PHF19: variants seen among roughly 807,000 people sequenced by gnomAD.
PHF19 encodes the protein polycomb like 3.
Under a neutral mutation model 79.8 loss-of-function variants are expected in PHF19, and 21 were observed. The ratio of observed to expected loss-of-function variants is 0.26; its 90% CI spans 0.19 to 0.38. PHF19 has a LOEUF of 0.38. Among genes scored for constraint, PHF19 ranks in the 10% least tolerant of loss-of-function variants. PHF19 has a pLI of 1.00. For synonymous variants in PHF19, 273 were observed against 296.3 expected, an observed-to-expected ratio of 0.92 and a Z score of 0.81; for missense variants, 445 against 744.2, an observed-to-expected ratio of 0.60 and a Z score of 4.68.
Position 120,862,126 on chromosome 9 carries a change from GCTGCAC to G in PHF19, c.1131-127_1131-122del. ...GTTGGGGAGACAGGCTCTGAACACA[GCTGCAC>G]CTTCACAGGGAGGCCTGGGGAGGAG... is the stretch of plus-strand genomic sequence containing the variant. On this transcript the variant is annotated intron_variant, in intron 11 of 14. Coordinates refer to ENST00000373896, the MANE Select transcript of PHF19 (RefSeq NM_015651.3). This position sits in a 1 kb window ranked among gnomAD's most constrained non-coding sequence, Gnocchi z 4.6. 1.3e-6 allele frequency: 1 copy of G among 758,004 alleles called. No homozygotes were observed. The highest frequency in any genetic ancestry group is 2.5e-5 in the East Asian group (1 of 40,476). The allele number at this position is 758,004 out of a possible 1,614,324, so 47.0% of individuals were successfully genotyped here.
intron 3 of PHF19, among the ~76,000 whole-genome samples, chr9:120,871,694 T>G (rs777579321): frequency 2.6e-4 from 39 of 152,220 alleles, no homozygotes; most frequent in African/African-American, 9.4e-4. Context: ...CACATTTTGA[T>G]ACGTGTTTGT....
chr9:120,889,049 G>T (rs2046305084), intron 1 of PHF19, among the ~76,000 whole-genome samples: 1 of 152,128 alleles, frequency 6.6e-6, no homozygotes, highest in Admixed American at 6.5e-5. Context: ...CTCCAAAAAG[G>T]AACCAGAATT....
chr9:120,895,356 G>GT (rs1212564599), upstream of PHF19, among the ~76,000 whole-genome samples: 1 of 151,866 alleles, frequency 6.6e-6, no homozygotes, highest in Non-Finnish European at 1.5e-5. Flanking sequence ...GGATGGAGAG[G>GT]TGGGAGGATG....
At chr9:120,881,729 C>T (rs1315206306), upstream of PHF19, among the ~76,000 whole-genome samples, 1 of 152,036 alleles carries the variant, frequency 6.6e-6, no homozygotes, top group Non-Finnish European at 1.5e-5. Context: ...TGCACAGTGT[C>T]CCCTCATGCA....
At chr9:120,887,112 C>T (rs896050881) in intron 1 of PHF19, among the ~76,000 whole-genome samples, 2 of 150,300 alleles carry the variant, frequency 1.3e-5, no homozygotes, top group Admixed American at 6.6e-5. Flanking sequence ...AAATTACCCT[C>T]GATAGAGTGA....
the PHF19 span, among the ~76,000 whole-genome samples, chr9:120,901,630 T>G: frequency 6.6e-6 from 1 of 152,190 alleles, no homozygotes; most frequent in East Asian, 1.9e-4. Context: ...AGGGGTTGCA[T>G]GTAGCCCCTC....
At chr9:120,867,173 T>G (rs558152984) in intron 6 of PHF19, among the ~76,000 whole-genome samples, 1 of 152,366 alleles carries the variant, frequency 6.6e-6, no homozygotes. Context: ...GATGGGACAC[T>G]GTCCCCATAT....
Position 120,861,081 on chromosome 9 carries a change from A to T in PHF19, c.1304+8T>A. 6.5e-7 allele frequency: 1 copy of T among 1,538,336 alleles called. No individual in the cohort carries two copies. The highest frequency in any genetic ancestry group is 9.0e-7 in the Non-Finnish European group (1 of 1,110,826). The stretch of plus-strand genomic sequence containing the variant: ...AGCAGACCTCTGTGCTAGGTCCCTC[A>T]CTGATACCTTTTTAAACTTTGAATT... On this transcript the variant is annotated splice_region_variant and intron_variant, in intron 13 of 14. Coordinates refer to ENST00000373896, the MANE Select transcript of PHF19 (RefSeq NM_015651.3).
Position 120,857,990 on chromosome 9 carries a change from C to A in PHF19, c.1697G>T (p.Gly566Val). 1 of 1,613,380 alleles carries A rather than the reference C, an allele frequency of 6.2e-7. No homozygotes were observed. The highest frequency in any genetic ancestry group is 8.5e-7 in the Non-Finnish European group (1 of 1,179,544). The part of the protein sequence containing the change: ...QVLARRVTPE[G>V]KVQYLVEWEG... Reference sequence around the variant, plus strand: ...CCACTCCACCAGGTACTGAACCTTGCCCTCAGGTGTGACCCTCCGAGCCAA... The same window carrying A: ...CCACTCCACCAGGTACTGAACCTTGACCTCAGGTGTGACCCTCCGAGCCAA... The change falls in exon 15 of 15, where the codon GGC (glycine) becomes GTC (valine). Residue 566 changes from glycine to valine, a missense_variant. By Grantham distance (109) the Gly-to-Val change is moderately radical (BLOSUM62 -3). This residue lies in a region of PHF19 where 20 missense variants were observed against 47.6 expected (regional missense o/e 0.42). Transcript: ENST00000373896.
At chr9:120,893,645 G>A (rs2046369522) in intron 1 of PHF19, among the ~76,000 whole-genome samples, 1 of 152,220 alleles carries the variant, frequency 6.6e-6, no homozygotes, top group Admixed American at 6.5e-5. Context: ...ATGCACGCAT[G>A]CTTTAGAAAG....
Position 120,891,236 on chromosome 9 carries a change from G to A in PHF19, c.42+3552C>T, listed in dbSNP as rs993968350. Among the ~76,000 whole-genome samples, 5 of 150,706 alleles carry A rather than the reference G, an allele frequency of 3.3e-5. No individual in the cohort carries two copies. Among genetic ancestry groups the A allele is most frequent in the Admixed American group, 6.6e-5 (1 of 15,062 alleles). ...ATCCATTTACTCATCTGCCTCTCCC[G>A]CCCTCTTCCCTTCTCTCCCCTCCTC... is the stretch of plus-strand genomic sequence containing the variant. On this transcript the variant is annotated intron_variant, in intron 1 of 14. Coordinates refer to the PHF19 transcript ENST00000616568. This position sits in a 1 kb window ranked among gnomAD's most constrained non-coding sequence, Gnocchi z 4.3.
At chr9:120,863,536 C>T (rs2045600043) in intron 10 of PHF19, among the ~76,000 whole-genome samples, 1 of 152,136 alleles carries the variant, frequency 6.6e-6, no homozygotes, top group Non-Finnish European at 1.5e-5. Flanking sequence ...ATGGCTGGCA[C>T]CCAGAATACA....
In PHF19 at chr9:120,857,738, G is replaced by A. The variant is rs1016229125; in HGVS notation, c.*206C>T. ...GTAGAGACACAGGCACAGGGGTAAC[G>A]AGCCTGAGGAGGCCCTGGAACAGAG... On this transcript the variant is annotated 3_prime_UTR_variant, in exon 15 of 15. Coordinates refer to ENST00000373896, the MANE Select transcript of PHF19 (RefSeq NM_015651.3). 6 of 514,598 alleles carry A rather than the reference G, an allele frequency of 1.2e-5. No individual in the cohort carries two copies. In the South Asian group the frequency reaches 1.6e-4, roughly 14 times the overall value. 31.9% of individuals were successfully genotyped at this position (514,598 alleles called of 1,614,324 possible). A position where few individuals can be genotyped will look rare whatever the true frequency, so the allele number is the denominator to read the frequency against.
chr9:120,868,804 T>C, intron 6 of PHF19: 2 of 986,586 alleles, frequency 2.0e-6, no homozygotes, highest in Non-Finnish European at 2.4e-6. Flanking sequence ...TCGACCTGCC[T>C]CACCTCCCTG....
intron 9 of PHF19, among the ~76,000 whole-genome samples, chr9:120,865,389 T>C (rs966575626): frequency 2.0e-5 from 3 of 152,206 alleles, no homozygotes; most frequent in Admixed American, 2.0e-4. Flanking sequence ...TAGCATAGGA[T>C]CAGCAGTGGG....
intron 1 of PHF19, among the ~76,000 whole-genome samples, chr9:120,889,670 G>C (rs985776928): frequency 1.3e-5 from 2 of 152,006 alleles, no homozygotes; most frequent in Non-Finnish European, 2.9e-5. Context: ...GAGCCTGGGA[G>C]GTTGAGGCTG....
At chr9:120,868,535 C>T (rs1160720174) in intron 6 of PHF19, 1 of 153,768 alleles carries the variant, frequency 6.5e-6, no homozygotes, top group Non-Finnish European at 1.4e-5. Context: ...GTGTCCGGCC[C>T]AGGCTCTTAA....
intron 9 of PHF19, among the ~76,000 whole-genome samples, chr9:120,865,218 C>T (rs139365503): frequency 6.6e-6 from 1 of 152,316 alleles, no homozygotes; most frequent in African/African-American, 2.4e-5. Flanking sequence ...ACAGCACCCC[C>T]GTGGGAGTGA....
Position 120,874,879 on chromosome 9 carries a change from C to CGAGGAATCAG in PHF19, c.-15-124_-15-123insCTGATTCCTC. ...TAAGCCAGACTTGGTTATTATCTCA[C>CGAGGAATCAG]TGATTCCTCGTGACCATCCTATGAG... is the stretch of plus-strand genomic sequence containing the variant. On this transcript the variant is annotated intron_variant, in intron 1 of 14. Transcript: ENST00000373896. The surrounding 1 kb of genome is among the most constrained non-coding windows in gnomAD (Gnocchi z 4.5). 1.6e-6 allele frequency: 1 copy of CGAGGAATCAG among 622,590 alleles called. No individual in the cohort carries two copies. 38.6% of individuals were successfully genotyped at this position (622,590 alleles called of 1,614,324 possible).
Sources: gnomAD v4.1 joint callset for allele counts (sites outside exome capture counted in the v4.1 genomes callset) on GRCh38, gnomAD v4.1.1 for gene constraint, gnomAD v4.1.1 regional missense constraint, Gnocchi (gnomAD v3.1) non-coding constraint, MANE v1.5 for transcripts, NCBI Gene and HGNC (gene_info 2026-07-23, HGNC 2026-07-21) for gene names.